MINDY4B: variants seen among roughly 807,000 people sequenced by gnomAD.
MINDY4B encodes inactive ubiquitin carboxyl-terminal hydrolase MINDY-4B.
Under a neutral mutation model 16.7 loss-of-function variants are expected in MINDY4B, and 25 were observed. The observed-to-expected ratio is 1.49, with a 90% confidence interval of 1.09 to 2.09. The LOEUF is 2.09. MINDY4B is among the 30% of genes most tolerant of loss of function. The pLI is 0.00. For missense variants in MINDY4B, 327 were observed against 168.4 expected, an observed-to-expected ratio of 1.94 and a Z score of -5.21; for synonymous variants, 132 against 61.9, an observed-to-expected ratio of 2.13 and a Z score of -5.32.
At chr3:150,890,849 G>C in intron 6 of MINDY4B, 89 bp downstream of exon 6, 1 of 654,622 alleles carries the variant, frequency 1.5e-6, no homozygotes, top group Non-Finnish European at 2.8e-6. Flanking sequence ...AGCATGGATG[G>C]GGCCCCACCT....
intron 1 of MINDY4B, 71 bp downstream of exon 1, chr3:150,905,256 T>A (rs2107914027): frequency 2.5e-6 from 1 of 398,324 alleles, no homozygotes; most frequent in South Asian, 1.3e-4. Flanking sequence ...TGTTGCAAGC[T>A]TATAAGTTGA....
rs562990149 is a variant in MINDY4B, at chr3:150,876,807, A to T, written c.1060-3440T>A. Among the ~76,000 whole-genome samples the T allele has an allele frequency of 7.2e-5, 11 of 152,320 alleles. No individual in the cohort carries two copies. In the South Asian group the frequency reaches 2.3e-3, roughly 32 times the overall value. ...AAAATCAGAGTGGATTTTTCTTCTC[A>T]GTGGCAGGTGTGAAGATAATGTGAA... On this transcript the variant is annotated intron_variant, in intron 10 of 11. Transcript: ENST00000465419.
intron 10 of MINDY4B, among the ~76,000 whole-genome samples, chr3:150,877,130 C>T (rs1430939827): frequency 3.9e-5 from 6 of 151,946 alleles, no homozygotes; most frequent in African/African-American, 9.7e-5. Context: ...GCAATTTTAT[C>T]GCAGAGTAAT....
intron 10 of MINDY4B, among the ~76,000 whole-genome samples, chr3:150,875,139 A>G (rs1717058795): frequency 6.6e-6 from 1 of 152,240 alleles, no homozygotes; most frequent in Admixed American, 6.5e-5. Flanking sequence ...GAAATAAAAC[A>G]GTGAAGATGT....
chr3:150,895,728 G>C lies in MINDY4B; in HGVS notation c.310-1423C>G, dbSNP rs1381697724. Among the ~76,000 whole-genome samples the C allele has an allele frequency of 3.3e-5, 5 of 152,200 alleles. No individual in the cohort carries two copies. The East Asian group carries it at 9.6e-4, about 29-fold the overall frequency. ...GATCTGCCGGTCTTGGCCTCCCAAA[G>C]TGCTGGGATTACAGGCATGAGCCAC... On this transcript the variant is annotated intron_variant, in intron 3 of 11. Coordinates refer to ENST00000465419, the MANE Select transcript of MINDY4B (RefSeq NM_001351281.2).
intron 3 of MINDY4B, among the ~76,000 whole-genome samples, chr3:150,896,759 C>G (rs886719959): frequency 2.0e-5 from 3 of 152,178 alleles, no homozygotes; most frequent in Admixed American, 1.3e-4. Context: ...CCATGGATAC[C>G]AGCACCTGTT....
intron 10 of MINDY4B, among the ~76,000 whole-genome samples, chr3:150,877,715 A>G (rs1711498939): frequency 6.6e-6 from 1 of 152,132 alleles, no homozygotes; most frequent in Non-Finnish European, 1.5e-5. Flanking sequence ...AAGTCAGTGG[A>G]TAGAGTTTCA....
At chr3:150,893,778 C>G (rs1404262637) in intron 4 of MINDY4B, among the ~76,000 whole-genome samples, 1 of 152,060 alleles carries the variant, frequency 6.6e-6, no homozygotes, top group Non-Finnish European at 1.5e-5. Context: ...GCAACTTCCA[C>G]CCCCTGGGTT....
intron 9 of MINDY4B, among the ~76,000 whole-genome samples, chr3:150,883,430 GTTGCTA>G (rs1328024879): frequency 6.6e-6 from 1 of 151,772 alleles, no homozygotes; most frequent in Non-Finnish European, 1.5e-5. Context: ...ATTTTCTACT[GTTGCTA>G]GGATCTCAGA....
chr3:150,887,834 C>T (rs1231631508), intron 7 of MINDY4B, among the ~76,000 whole-genome samples: 4 of 152,168 alleles, frequency 2.6e-5, no homozygotes, highest in South Asian at 2.1e-4. Context: ...CATTGCCAGG[C>T]GCGGTGGCTC....
At chr3:150,903,522 T>A in intron 2 of MINDY4B, 106 bp from the exon 3 acceptor site, 1 of 397,094 alleles carries the variant, frequency 2.5e-6, no homozygotes, top group Non-Finnish European at 4.4e-6. Flanking sequence ...CAGAAAATGT[T>A]GTCTCACTTT....
intron 10 of MINDY4B, among the ~76,000 whole-genome samples, chr3:150,877,049 C>CT (rs11362861): frequency 2.0e-5 from 3 of 151,052 alleles, no homozygotes; most frequent in Admixed American, 6.6e-5. Context: ...AGAATACCAT[C>CT]TTTTTTTTTT....
intron 8 of MINDY4B, among the ~76,000 whole-genome samples, chr3:150,884,539 C>T (rs141677957): frequency 6.7e-4 from 102 of 152,204 alleles, no homozygotes; most frequent in Non-Finnish European, 1.2e-3. Context: ...TTATCTTTAG[C>T]GTGGTACATG....
intron 10 of MINDY4B, among the ~76,000 whole-genome samples, chr3:150,876,075 G>T (rs1711496675): frequency 6.6e-6 from 1 of 152,198 alleles, no homozygotes; most frequent in South Asian, 2.1e-4. Context: ...TGTGCATGTT[G>T]CTTCATGTTG....
chr3:150,903,519 T>C (rs1297981723), intron 2 of MINDY4B, 103 bp from the exon 3 acceptor site: 2 of 397,060 alleles, frequency 5.0e-6, no homozygotes, highest in Non-Finnish European at 8.9e-6. Flanking sequence ...GTTCAGAAAA[T>C]GTTGTCTCAC....
intron 3 of MINDY4B, among the ~76,000 whole-genome samples, chr3:150,897,469 T>C (rs1386319926): frequency 6.6e-6 from 1 of 151,866 alleles, no homozygotes; most frequent in Non-Finnish European, 1.5e-5. Context: ...TTGCAGCCAG[T>C]CAAAGAGTGT....
At chr3:150,903,067 A>G (rs113584753) in intron 3 of MINDY4B, among the ~76,000 whole-genome samples, 182 bp downstream of exon 3, 1 of 152,232 alleles carries the variant, frequency 6.6e-6, no homozygotes. Flanking sequence ...CTGTACTGCC[A>G]CAAGTGTCCT....
chr3:150,882,932 C>G lies in MINDY4B; in HGVS notation c.1024G>C (p.Gly342Arg). The G allele has an allele frequency of 2.8e-6, 2 of 702,778 alleles. No homozygotes were observed. Among genetic ancestry groups the G allele is most frequent in the Non-Finnish European group, 5.2e-6 (2 of 384,722 alleles). The allele number at this position is 702,778 out of a possible 1,614,324, so 43.5% of individuals were successfully genotyped here. ...TRSDVGYLQW[G>R]KDASEDDRLS... ...CTGTCATCTTCCGAGGCATCCTTAC[C>G]CCACTGCAAATAGCCAACATCACTG... The change falls in exon 10 of 12, where the codon GGT (glycine) becomes CGT (arginine). Residue 342 changes from glycine to arginine, a missense_variant. Transcript: ENST00000465419.
intron 8 of MINDY4B, among the ~76,000 whole-genome samples, chr3:150,884,420 G>A (rs1711574707): frequency 6.6e-6 from 1 of 152,204 alleles, no homozygotes; most frequent in Non-Finnish European, 1.5e-5. Context: ...CAAGCATGGT[G>A]AGTACCGTCG....
Sources: allele counts gnomAD v4.1 joint callset (sites outside exome capture counted in the v4.1 genomes callset), GRCh38; gene constraint gnomAD v4.1.1; transcripts MANE v1.5; gene names NCBI Gene and HGNC (gene_info 2026-07-23, HGNC 2026-07-21).